Variants in MCM3AP observed in about 807,000 individuals in gnomAD.
The protein encoded by MCM3AP is germinal-center associated nuclear protein.
A neutral mutation model predicts 184.1 loss-of-function variants in MCM3AP; 126 were observed. The ratio of observed to expected loss-of-function variants is 0.68; its 90% CI spans 0.59 to 0.79. The LOEUF (loss-of-function observed/expected upper bound fraction) is 0.79, where lower values mean the gene tolerates loss of function less well. Ranked by LOEUF, MCM3AP falls within the 30% of genes least tolerant of loss-of-function variation. The pLI, the probability that MCM3AP is intolerant of heterozygous loss-of-function variation, is 0.00. For synonymous variants in MCM3AP, 1,002 were observed against 979.3 expected, an observed-to-expected ratio of 1.02 and a Z score of -0.43; for missense variants, 2,496 against 2,479.2, an observed-to-expected ratio of 1.01 and a Z score of -0.14.
chr21:46,246,929 C>A, intron 20 of MCM3AP, 43 bp from the exon 21 acceptor site: 1 of 1,598,564 alleles, frequency 6.3e-7, no homozygotes, highest in South Asian at 1.1e-5. Context: ...CACCATGGGA[C>A]GCATCAGCAG....
In MCM3AP at chr21:46,243,457, C is replaced by T. The variant is rs199899554; in HGVS notation, c.5296+8G>A. The T allele has an allele frequency of 3.1e-6, 5 of 1,600,256 alleles. No individual in the cohort carries two copies. In the South Asian group the frequency reaches 4.5e-5, roughly 14 times the overall value. On this transcript the variant is annotated splice_region_variant and intron_variant, in intron 24 of 27. Transcript: ENST00000291688. ...GGAGCTGATCCCATTGCATCAAGCT[C>T]TAATTACCTGATGTAACAGGAAGCC...
At chr21:46,249,166 G>C (rs2080828693) in intron 20 of MCM3AP, among the ~76,000 whole-genome samples, 1 of 152,086 alleles carries the variant, frequency 6.6e-6, no homozygotes, top group Non-Finnish European at 1.5e-5. Context: ...GATGCTAGGT[G>C]ACAGTGGAGC....
chr21:46,267,223 G>A, intron 9 of MCM3AP, 81 bp from the exon 10 acceptor site: 1 of 1,370,778 alleles, frequency 7.3e-7, no homozygotes, highest in Non-Finnish European at 1.0e-6. Context: ...CCACAGCCAT[G>A]GCCAGCGTGG....
intron 2 of MCM3AP, among the ~76,000 whole-genome samples, chr21:46,280,812 C>T (rs925482105): frequency 1.3e-5 from 2 of 148,524 alleles, no homozygotes; most frequent in East Asian, 2.0e-4. Flanking sequence ...CTCTTTCCCC[C>T]TTTTTTTTTT....
intron 11 of MCM3AP, 135 bp downstream of exon 11, chr21:46,265,790 G>T: frequency 8.7e-7 from 1 of 1,142,944 alleles, no homozygotes; most frequent in Non-Finnish European, 1.2e-6. Context: ...CCACACCCCT[G>T]GGCCCCAAGA....
Position 46,265,450 on chromosome 21 carries a change from G to T in MCM3AP, c.3105C>A (p.Ala1035=), listed in dbSNP as rs1350709479. 1.2e-6 allele frequency: 2 copies of T among 1,613,942 alleles called. No individual in the cohort carries two copies. Among genetic ancestry groups the T allele is most frequent in the Non-Finnish European group, 1.7e-6 (2 of 1,179,892 alleles). ...PLSSLPQSLP[A]PAPSPVPLPP... is the part of the protein sequence containing the mutation. ...GCAGAGGCACTGGTGAGGGCGCAGG[G>T]GCTGGTAGAGACTGTGGGAGACTGG... The change falls in exon 12 of 28, where the codon GCC becomes GCA. Residue 1035 remains alanine (A), a synonymous_variant. Transcript: ENST00000291688.
At chr21:46,275,090 ACTGT>A (rs2145701937) in intron 6 of MCM3AP, 92 bp downstream of exon 6, 1 of 1,364,612 alleles carries the variant, frequency 7.3e-7, no homozygotes, top group South Asian at 1.6e-5. Context: ...AATACCCAAC[ACTGT>A]CTAAAACAAA....
chr21:46,238,759 A>C lies in MCM3AP; in HGVS notation c.5634-1780T>G, dbSNP rs201138497. On this transcript the variant is annotated intron_variant, in intron 26 of 27. Coordinates refer to ENST00000291688, the MANE Select transcript of MCM3AP (RefSeq NM_003906.5). ...CAAACCACTTAAATTATAGAGACTG[A>C]TTTTAGTAATCGGACACATTCATTC... is the stretch of plus-strand genomic sequence containing the variant. Among the ~76,000 whole-genome samples, 56 of 52,866 alleles carry C rather than the reference A, an allele frequency of 1.1e-3. 17 individuals are homozygous for C. Among genetic ancestry groups the C allele is most frequent in the Admixed American group, 3.4e-3 (15 of 4,364 alleles). The allele number at this position is 52,866 out of a possible 152,430, so 34.7% of individuals were successfully genotyped here. A position where few individuals can be genotyped will look rare whatever the true frequency, so the allele number is the denominator to read the frequency against.
Position 46,277,648 on chromosome 21 carries a change from G to A in MCM3AP, c.1737C>T (p.Ser579=), listed in dbSNP as rs769948003. 4.3e-6 allele frequency: 7 copies of A among 1,610,922 alleles called. No individual in the cohort carries two copies. Among genetic ancestry groups the A allele is most frequent in the South Asian group, 2.2e-5 (2 of 90,600 alleles). ...QFEGDSFDSA[S]EGSEGLGPCV... The stretch of plus-strand genomic sequence containing the variant: ...ATGGCCCGAGGCCCTCGGAGCCCTC[G>A]GAGGCTGAGTCAAAAGAGTCTCCCT... The change falls in exon 5 of 28, where the codon TCC becomes TCT. Residue 579 remains serine (S), a synonymous_variant. Transcript: ENST00000291688.
chr21:46,245,128 T>G lies in MCM3AP; in HGVS notation c.4717A>C (p.Ile1573Leu), dbSNP rs1403685256. The G allele has an allele frequency of 3.1e-6, 5 of 1,614,032 alleles. No homozygotes were observed. The Admixed American group carries it at 6.7e-5, about 22-fold the overall frequency. The stretch of plus-strand genomic sequence containing the variant: ...CCAATCCCGTCTTCGACGTACTGAA[T>G]GAGAGTCTGGCAGCAGAGGTCAAGG... ...HSLDLCCQTL[I>L]QYVEDGIGHE... Residue 1573 changes from isoleucine to leucine, a missense_variant, in exon 23 of 28, where the codon ATT becomes CTT. Transcript: ENST00000291688.
In MCM3AP at chr21:46,284,434, G is replaced by T. The variant is rs761693186; in HGVS notation, c.853C>A (p.Pro285Thr). 5.6e-6 allele frequency: 9 copies of T among 1,614,016 alleles called. No individual in the cohort carries two copies. In the African/African-American group the frequency reaches 9.3e-5, roughly 17 times the overall value. Residue 285 changes from proline to threonine, a missense_variant, in exon 1 of 28, where the codon CCC becomes ACC. Transcript: ENST00000291688. ...CTTTTCAGTCCTTTCATTAGGCTGG[G>T]AAGTGGTTCCACCTGGGAAACAGCT... ...EEAVSQVEPLPSLMKGLKRKE... is the reference protein window; with the variant it reads ...EEAVSQVEPLTSLMKGLKRKE...
In MCM3AP at chr21:46,273,672, A is replaced by T. The variant is rs960289882; in HGVS notation, c.1999-87T>A. 8 of 901,046 alleles carry T rather than the reference A, an allele frequency of 8.9e-6. No individual in the cohort carries two copies. The Admixed American group carries it at 1.6e-4, about 18-fold the overall frequency. 55.8% of individuals were successfully genotyped at this position (901,046 alleles called of 1,614,324 possible). On this transcript the variant is annotated intron_variant, in intron 6 of 27. Transcript: ENST00000291688. ...GCCTGAAAATGAGGGGGAAAATCAC[A>T]TACACACCCACACAAGATCAGTATT...
chr21:46,241,298 A>G (rs957697287), intron 25 of MCM3AP: 7 of 324,686 alleles, frequency 2.2e-5, no homozygotes, highest in Non-Finnish European at 4.0e-5. Flanking sequence ...TTCTGCTCTC[A>G]AGAGGCAGCT....
intron 26 of MCM3AP, among the ~76,000 whole-genome samples, chr21:46,239,555 G>A (rs887640305): frequency 6.6e-6 from 1 of 152,232 alleles, no homozygotes; most frequent in Non-Finnish European, 1.5e-5. Flanking sequence ...AAAGGAAGGG[G>A]TTGGTTGGAA....
In MCM3AP at chr21:46,266,192, A is replaced by C; in HGVS notation, c.2790-26T>G. On this transcript the variant is annotated intron_variant, in intron 10 of 27. Transcript: ENST00000291688. ...CTACCCAGACCACAAAAGACCCCCG[A>C]GGGGTGTCACCAGGGGAGAAGACAG... is the stretch of plus-strand genomic sequence containing the variant. The C allele has an allele frequency of 4.4e-6, 7 of 1,579,188 alleles. No homozygotes were observed. In the Middle Eastern group the frequency reaches 5.1e-4, roughly 114 times the overall value.
chr21:46,242,271 T>C (rs1486154980), intron 25 of MCM3AP: 1 of 152,598 alleles, frequency 6.6e-6, no homozygotes, highest in Non-Finnish European at 1.5e-5. Context: ...GAAGCATGTT[T>C]TTTTTCTATT....
intron 8 of MCM3AP, 146 bp downstream of exon 8, chr21:46,272,415 A>T: frequency 1.2e-6 from 1 of 850,766 alleles, no homozygotes; most frequent in Non-Finnish European, 1.8e-6. Flanking sequence ...CTGCAAAGCC[A>T]GACCAAGGTC....
chr21:46,285,182 T>G lies in MCM3AP; in HGVS notation c.105A>C (p.Gln35His). ...TACTGTTTTGTCCAAAAAGAGAAGG[T>G]TGACCAAATCGAAATGGCGGCTTAG... ...LPSKPPFRFG[Q>H]PSLFGQNSTL... Residue 35 changes from glutamine to histidine, a missense_variant, in exon 1 of 28, where the codon CAA becomes CAC. Gln to His is a conservative substitution (Grantham distance 24). Transcript: ENST00000291688. The G allele has an allele frequency of 6.2e-7, 1 of 1,614,208 alleles. No individual in the cohort carries two copies. The highest frequency in any genetic ancestry group is 1.3e-5 in the African/African-American group (1 of 75,062).
In MCM3AP at chr21:46,264,102, C is replaced by A; in HGVS notation, c.3335+15G>T. Reference sequence around the variant, plus strand: ...CGCAGCACGTAGCAGGAGGGGAGCACGAGATGCCACTCACCCCAGGGCGGC... The same window carrying A: ...CGCAGCACGTAGCAGGAGGGGAGCAAGAGATGCCACTCACCCCAGGGCGGC... On this transcript the variant is annotated intron_variant, in intron 13 of 27. Coordinates refer to ENST00000291688, the MANE Select transcript of MCM3AP (RefSeq NM_003906.5). 4 of 1,595,202 alleles carry A rather than the reference C, an allele frequency of 2.5e-6. No homozygotes were observed. The highest frequency in any genetic ancestry group is 2.6e-6 in the Non-Finnish European group (3 of 1,163,522).
Sources: allele counts gnomAD v4.1 joint callset (sites outside exome capture counted in the v4.1 genomes callset), GRCh38; gene constraint gnomAD v4.1.1; transcripts MANE v1.5; gene names NCBI Gene and HGNC (gene_info 2026-07-23, HGNC 2026-07-21).